PTPRD: variants seen among roughly 807,000 people sequenced by gnomAD.
PTPRD encodes the protein protein tyrosine phosphatase receptor type D.
Under a neutral mutation model 214.5 loss-of-function variants are expected in PTPRD, and 34 were observed. The observed-to-expected ratio is 0.16, with a 90% CI of 0.12 to 0.21. The LOEUF is 0.21. Among genes scored for constraint, PTPRD ranks in the 10% least tolerant of loss-of-function variants. The probability of loss-of-function intolerance (pLI) is 1.00; values close to 1 mark genes in which losing one functional copy is unlikely to be tolerated. For missense variants in PTPRD, 2,545 were observed against 2,398.7 expected (o/e 1.06, Z -1.27); for synonymous variants, 1,128 against 845.7 (o/e 1.33, Z -5.79).
chr9:9,112,965 TTTC>T (rs1012336201), intron 10 of PTPRD, among the ~76,000 whole-genome samples: 5 of 149,262 alleles, frequency 3.3e-5, no homozygotes, highest in African/African-American at 9.8e-5. Flanking sequence ...CTCCTATTTT[TTTC>T]TTTTTTTTTT....
intron 35 of PTPRD, among the ~76,000 whole-genome samples, chr9:8,428,540 A>G (rs2094840226): frequency 6.6e-6 from 1 of 152,206 alleles, no homozygotes. Flanking sequence ...GAAATGGAAG[A>G]GTCTATTCCA....
At chr9:8,519,641 C>T (rs1283569840) in intron 20 of PTPRD, among the ~76,000 whole-genome samples, 1 of 152,134 alleles carries the variant, frequency 6.6e-6, no homozygotes, top group Non-Finnish European at 1.5e-5. Flanking sequence ...GCCTGGCACT[C>T]GGTAGGTTTT....
chr9:9,870,750 A>C (rs1403372550), intron 5 of PTPRD, among the ~76,000 whole-genome samples: 1 of 152,100 alleles, frequency 6.6e-6, no homozygotes, highest in Non-Finnish European at 1.5e-5. Flanking sequence ...ATATTAAATA[A>C]TTTAGCCAAA....
At chr9:8,654,477 C>T (rs1009225306) in intron 12 of PTPRD, among the ~76,000 whole-genome samples, 6 of 152,074 alleles carry the variant, frequency 3.9e-5, no homozygotes, top group African/African-American at 1.4e-4. Context: ...ATACCCTGTA[C>T]ATATGAGCAT....
intron 6 of PTPRD, among the ~76,000 whole-genome samples, chr9:9,738,105 G>C (rs1320853015): frequency 2.0e-5 from 3 of 152,004 alleles, no homozygotes; most frequent in African/African-American, 7.2e-5. Context: ...CCTGTTGTGA[G>C]GTGGGGGGAT....
intron 2 of PTPRD, among the ~76,000 whole-genome samples, chr9:10,520,843 A>G (rs1589978573): frequency 2.0e-5 from 3 of 151,976 alleles, no homozygotes; most frequent in Admixed American, 6.6e-5. Flanking sequence ...CACAGTAAAT[A>G]GAATATTTTT....
At chr9:10,412,218 A>G in intron 2 of PTPRD, among the ~76,000 whole-genome samples, 1 of 151,802 alleles carries the variant, frequency 6.6e-6, no homozygotes. Flanking sequence ...ATAATTAGAA[A>G]TGAAAAAAGG....
At chr9:9,128,862 G>A (rs1017024306) in intron 10 of PTPRD, among the ~76,000 whole-genome samples, 2 of 152,166 alleles carry the variant, frequency 1.3e-5, no homozygotes, top group African/African-American at 4.8e-5. Flanking sequence ...TGTGGTCTGA[G>A]CATAATTTTA....
intron 5 of PTPRD, among the ~76,000 whole-genome samples, chr9:9,823,227 C>T (rs1272246610): frequency 6.6e-6 from 1 of 152,024 alleles, no homozygotes; most frequent in Admixed American, 6.6e-5. Context: ...AGCACAGTGC[C>T]TCCATCTGCC....
chr9:8,450,616 C>G (rs1311231540), intron 33 of PTPRD, among the ~76,000 whole-genome samples: 1 of 152,166 alleles, frequency 6.6e-6, no homozygotes, highest in Non-Finnish European at 1.5e-5. Flanking sequence ...TGATTCTTCA[C>G]ACAATACATT....
intron 10 of PTPRD, among the ~76,000 whole-genome samples, chr9:9,058,115 G>T (rs935501593): frequency 5.3e-5 from 8 of 152,088 alleles, no homozygotes; most frequent in Non-Finnish European, 8.8e-5. Context: ...TTTGGAAAGA[G>T]AAGTCTTCCA....
intron 3 of PTPRD, among the ~76,000 whole-genome samples, chr9:10,055,527 C>T (rs935765702): frequency 2.6e-5 from 4 of 151,974 alleles, no homozygotes; most frequent in Middle Eastern, 3.2e-3. Flanking sequence ...AGCAAATGGT[C>T]GATCCAGGAT....
intron 8 of PTPRD, among the ~76,000 whole-genome samples, chr9:9,522,190 G>T (rs2096995213): frequency 6.9e-6 from 1 of 145,838 alleles, no homozygotes; most frequent in African/African-American, 2.5e-5. Context: ...GCTTAAATCA[G>T]TCTATAATTT....
chr9:9,334,124 T>G (rs1285725301), intron 9 of PTPRD, among the ~76,000 whole-genome samples: 1 of 151,978 alleles, frequency 6.6e-6, no homozygotes, highest in Non-Finnish European at 1.5e-5. Flanking sequence ...TTATCAGAAA[T>G]AAAAACATAG....
In PTPRD at chr9:10,390,827, A is replaced by C. The variant is rs571478242; in HGVS notation, c.-599-49810T>G. 2.0e-5 allele frequency among the ~76,000 whole-genome samples: 3 copies of C among 151,858 alleles called. No individual in the cohort carries two copies. The East Asian group carries it at 5.9e-4, about 30-fold the overall frequency. On this transcript the variant is annotated intron_variant, in intron 2 of 45. Coordinates refer to ENST00000381196, the MANE Select transcript of PTPRD (RefSeq NM_002839.4). ...AGGTTCTAGACTTGAGCCTAAACTT[A>C]TTTTGCTAAGACATTTAATATGGAT...
intron 11 of PTPRD, among the ~76,000 whole-genome samples, chr9:8,851,745 T>C (rs1412781199): frequency 6.6e-6 from 1 of 152,174 alleles, no homozygotes; most frequent in Non-Finnish European, 1.5e-5. Context: ...TGGTTATTCA[T>C]TCCCTCCATT....
intron 3 of PTPRD, among the ~76,000 whole-genome samples, chr9:10,092,754 C>T (rs1014638906): frequency 6.6e-6 from 1 of 151,380 alleles, no homozygotes; most frequent in Non-Finnish European, 1.5e-5. Context: ...CAAAAGCACA[C>T]ATACAGACCA....
intron 3 of PTPRD, among the ~76,000 whole-genome samples, chr9:10,336,415 T>C (rs1052141807): frequency 2.0e-5 from 3 of 151,594 alleles, no homozygotes; most frequent in Non-Finnish European, 4.4e-5. Context: ...TGGGAGTTTT[T>C]TGTGGGCCAG....
intron 8 of PTPRD, among the ~76,000 whole-genome samples, chr9:9,531,791 T>C (rs1053702668): frequency 9.9e-5 from 15 of 152,146 alleles, no homozygotes; most frequent in Admixed American, 9.2e-4. Context: ...TGCTGGGTGA[T>C]ATAATTCTAT....
Sources: allele counts gnomAD v4.1 joint callset (sites outside exome capture counted in the v4.1 genomes callset), GRCh38; gene constraint gnomAD v4.1.1; transcripts MANE v1.5; gene names NCBI Gene and HGNC (gene_info 2026-07-23, HGNC 2026-07-21).